The following PRUNE2 variants were observed in gnomAD, a reference collection of about 807,000 sequenced individuals.
PRUNE2 encodes the protein prune homolog 2 with BCH domain.
A neutral mutation model predicts 252.0 loss-of-function variants in PRUNE2; 164 were observed. The observed-to-expected ratio is 0.65, with a 90% CI of 0.57 to 0.74. The LOEUF is 0.74. PRUNE2 is among the 30% of genes least tolerant of loss of function. PRUNE2 has a pLI of 0.00. For missense variants in PRUNE2, 3,495 were observed against 3,711.0 expected (o/e 0.94, Z 1.51); for synonymous variants, 1,292 against 1,350.2 (o/e 0.96, Z 0.94).
At chr9:76,671,298 T>C (rs1053653491) in intron 9 of PRUNE2, among the ~76,000 whole-genome samples, 21 of 147,904 alleles carry the variant, frequency 1.4e-4, no homozygotes, top group African/African-American at 5.0e-4. Context: ...GAAGAAAGGG[T>C]ATCAGCGATG....
intron 6 of PRUNE2, chr9:76,764,485 G>C (rs1360607863): frequency 6.6e-6 from 1 of 152,288 alleles, no homozygotes; most frequent in East Asian, 1.9e-4. Context: ...AAACAGAGGG[G>C]AGATTTGTGT....
chr9:76,671,683 A>G (rs927582473), intron 9 of PRUNE2, among the ~76,000 whole-genome samples: 6 of 152,156 alleles, frequency 3.9e-5, no homozygotes, highest in African/African-American at 1.2e-4. Flanking sequence ...AGGGAAGCCC[A>G]TCAGACTAAC....
intron 4 of PRUNE2, among the ~76,000 whole-genome samples, chr9:76,841,445 G>A (rs573937960): frequency 4.5e-4 from 68 of 152,264 alleles, no homozygotes; most frequent in Middle Eastern, 6.8e-3. Context: ...CCCCAGTGGC[G>A]CCTGGAACGC....
At chr9:76,814,792 TA>T (rs1156963134) in intron 6 of PRUNE2, among the ~76,000 whole-genome samples, 1 of 152,222 alleles carries the variant, frequency 6.6e-6, no homozygotes, top group Non-Finnish European at 1.5e-5. Context: ...CATTTGCATA[TA>T]AATCTGCATC....
At chr9:76,669,802 T>G (rs1354306659) in intron 9 of PRUNE2, among the ~76,000 whole-genome samples, 1 of 152,180 alleles carries the variant, frequency 6.6e-6, no homozygotes, top group Non-Finnish European at 1.5e-5. Context: ...TGCACCCCAG[T>G]ACTCCTAACA....
chr9:76,862,857 C>T (rs1444739836), intron 1 of PRUNE2: 1 of 152,148 alleles, frequency 6.6e-6, no homozygotes, highest in Non-Finnish European at 1.5e-5. Flanking sequence ...TCAAAATTAA[C>T]AGCCCTCTAA....
intron 1 of PRUNE2, among the ~76,000 whole-genome samples, chr9:76,892,434 C>T (rs549874916): frequency 2.0e-5 from 3 of 152,208 alleles, no homozygotes; most frequent in Non-Finnish European, 4.4e-5. Flanking sequence ...ACTGGAAAGC[C>T]AGTTTAAAGA....
At chr9:76,752,527 G>C (rs12005308) in intron 6 of PRUNE2, among the ~76,000 whole-genome samples, 66,198 of 141,814 alleles carry the variant, frequency 0.47, 14,699 homozygotes, top group Admixed American at 0.58. Context: ...TAGGATATTA[G>C]AAAGTTTTTT....
At chr9:76,818,178 T>A (rs1380777892) in intron 6 of PRUNE2, among the ~76,000 whole-genome samples, 2 of 152,078 alleles carry the variant, frequency 1.3e-5, no homozygotes, top group African/African-American at 4.8e-5. Context: ...TTTCACAAAA[T>A]AAGAGAGTTA....
At chr9:76,883,775 C>T (rs186038399) in intron 1 of PRUNE2, among the ~76,000 whole-genome samples, 120 of 152,300 alleles carry the variant, frequency 7.9e-4, no homozygotes, top group African/African-American at 2.8e-3. Flanking sequence ...AGTGGCCCCA[C>T]CCTTTATCTG....
intron 4 of PRUNE2, among the ~76,000 whole-genome samples, chr9:76,826,953 C>G (rs181419996): frequency 2.0e-4 from 30 of 152,282 alleles, no homozygotes; most frequent in Admixed American, 2.0e-3. Context: ...TACAACTTAA[C>G]TGACCCTAGC....
intron 4 of PRUNE2, among the ~76,000 whole-genome samples, chr9:76,837,636 T>A (rs986358495): frequency 4.6e-5 from 7 of 151,594 alleles, no homozygotes; most frequent in African/African-American, 1.7e-4. Flanking sequence ...CAAAAAAAAA[T>A]TTAGACTTAG....
At position 76,855,533 on chromosome 9, in the gene PRUNE2, A is replaced by G. The variant is rs572687267; in HGVS notation, c.37-1325T>C. ...AATCTAAAAATTTGTCAGTGTTTAT[A>G]TGGAACTGCTGGTATCAGAGTCAAA... On this transcript the variant is annotated intron_variant, in intron 1 of 18. Transcript: ENST00000376718. 2.1e-3 allele frequency among the ~76,000 whole-genome samples: 313 copies of G among 152,292 alleles called. 2 individuals are homozygous for G. Among genetic ancestry groups the G allele is most frequent in the African/African-American group, 7.4e-3 (308 of 41,590 alleles).
At chr9:76,900,514 G>C (rs2063105901) in intron 1 of PRUNE2, among the ~76,000 whole-genome samples, 1 of 152,090 alleles carries the variant, frequency 6.6e-6, no homozygotes, top group African/African-American at 2.4e-5. Context: ...CCCCTAACAG[G>C]GTAGCCACGA....
intron 6 of PRUNE2, among the ~76,000 whole-genome samples, chr9:76,762,554 C>T (rs893216349): frequency 1.3e-5 from 2 of 152,198 alleles, no homozygotes; most frequent in African/African-American, 4.8e-5. Context: ...TGGTGAGATA[C>T]TCTTGCAGTA....
chr9:76,686,524 C>T (rs1378123098), intron 9 of PRUNE2, among the ~76,000 whole-genome samples: 8 of 152,120 alleles, frequency 5.3e-5, no homozygotes, highest in Admixed American at 1.3e-4. Flanking sequence ...GGCATGAACA[C>T]GGCTCACTGC....
intron 1 of PRUNE2, among the ~76,000 whole-genome samples, chr9:76,867,964 G>C (rs1414325124): frequency 2.6e-5 from 4 of 152,046 alleles, no homozygotes; most frequent in Non-Finnish European, 5.9e-5. Context: ...TACAAATTAA[G>C]ACAAAAACAA....
At chr9:76,837,652 T>C (rs576792668) in intron 4 of PRUNE2, among the ~76,000 whole-genome samples, 12 of 151,806 alleles carry the variant, frequency 7.9e-5, no homozygotes, top group Admixed American at 2.6e-4. Flanking sequence ...CTTAGTTGTA[T>C]CTTTTTAAAA....
intron 1 of PRUNE2, among the ~76,000 whole-genome samples, chr9:76,902,556 G>A (rs1036136540): frequency 7.9e-5 from 12 of 152,096 alleles, no homozygotes; most frequent in East Asian, 7.7e-4. Context: ...TCAAGCTTGC[G>A]GGGCTTGCTC....
Sources: allele counts gnomAD v4.1 joint callset (sites outside exome capture counted in the v4.1 genomes callset), GRCh38; gene constraint gnomAD v4.1.1; transcripts MANE v1.5; gene names NCBI Gene and HGNC (gene_info 2026-07-23, HGNC 2026-07-21).